Variants in CFAP70 observed in about 807,000 individuals in gnomAD.
CFAP70 encodes the protein cilia- and flagella-associated protein 70.
A neutral mutation model predicts 137.6 loss-of-function variants in CFAP70; 81 were observed. The observed-to-expected ratio is 0.59, with a 90% CI of 0.49 to 0.71. The LOEUF is 0.71. CFAP70 is among the 30% of genes least tolerant of loss of function. The probability of loss-of-function intolerance (pLI) is 0.00; values close to 1 mark genes in which losing one functional copy is unlikely to be tolerated. For synonymous variants in CFAP70, 382 were observed against 423.6 expected, an observed-to-expected ratio of 0.90 and a Z score of 1.20; for missense variants, 976 against 1,226.7, an observed-to-expected ratio of 0.80 and a Z score of 3.05.
intron 8 of CFAP70, among the ~76,000 whole-genome samples, chr10:73,326,423 A>C (rs1216299049): frequency 4.1e-5 from 6 of 144,844 alleles, no homozygotes; most frequent in Non-Finnish European, 9.0e-5. Flanking sequence ...CACAATTAAA[A>C]GAACTAGAAA....
intron 3 of CFAP70, among the ~76,000 whole-genome samples, chr10:73,351,001 ATGTG>A (rs1204970181): frequency 1.7e-4 from 22 of 131,370 alleles, no homozygotes; most frequent in Admixed American, 7.7e-5. Context: ...ATGTGTGTAT[ATGTG>A]TGTATGTGTG....
chr10:73,254,184 T>C, intron 26 of CFAP70, 129 bp from the exon 28 acceptor site: 2 of 587,546 alleles, frequency 3.4e-6, no homozygotes, highest in Non-Finnish European at 5.5e-6. Flanking sequence ...TGGCTCTTCC[T>C]ATTTCCCTAC....
At chr10:73,313,139 G>A (rs1453117433) in intron 9 of CFAP70, among the ~76,000 whole-genome samples, 4 of 152,058 alleles carry the variant, frequency 2.6e-5, no homozygotes, top group Admixed American at 6.5e-5. Context: ...TTGGGAGGCC[G>A]AGGCATGTGG....
chr10:73,256,276 CATT>C (rs1723517902), intron 26 of CFAP70, 90 bp downstream of exon 27: 1 of 1,415,812 alleles, frequency 7.1e-7, no homozygotes, highest in African/African-American at 1.4e-5. Flanking sequence ...AAAATATTCA[CATT>C]ATGAAAGTCC....
intron 19 of CFAP70, among the ~76,000 whole-genome samples, chr10:73,285,635 C>CTT (rs769793433): frequency 0.072 from 9,915 of 136,840 alleles, 606 homozygotes; most frequent in East Asian, 0.29. Context: ...ACTATATTTT[C>CTT]TTTTTTTTTT....
chr10:73,324,748 G>A (rs2051228464), intron 8 of CFAP70, among the ~76,000 whole-genome samples: 1 of 152,146 alleles, frequency 6.6e-6, no homozygotes, highest in South Asian at 2.1e-4. Context: ...GATGGAAGAT[G>A]AAATGAACAA....
exon 26 of CFAP70, chr10:73,256,404 A>G: frequency 6.2e-7 from 1 of 1,614,134 alleles, no homozygotes; most frequent in Non-Finnish European, 8.5e-7. Context: ...TCAGCTTCTA[A>G]TTGCCGTCCA....
At chr10:73,258,319 C>T (rs1300355101) in intron 25 of CFAP70, among the ~76,000 whole-genome samples, 2 of 152,136 alleles carry the variant, frequency 1.3e-5, no homozygotes, top group Admixed American at 6.6e-5. Context: ...ATTTCTTATG[C>T]CTGTCTTTAC....
At chr10:73,287,990 C>T (rs527488756) in intron 19 of CFAP70, among the ~76,000 whole-genome samples, 1 of 152,144 alleles carries the variant, frequency 6.6e-6, no homozygotes, top group African/African-American at 2.4e-5. Context: ...CTCTGCCTCC[C>T]AGGTTCAAGT....
At chr10:73,289,957 A>G (rs1265737885) in intron 19 of CFAP70, among the ~76,000 whole-genome samples, 1 of 148,524 alleles carries the variant, frequency 6.7e-6, no homozygotes, top group Non-Finnish European at 1.5e-5. Context: ...AGGCAGGAGG[A>G]TTGCTTGAAC....
At chr10:73,354,983 C>T (rs755222717) in intron 1 of CFAP70, 148 bp from the exon 2 acceptor site, 8 of 597,998 alleles carry the variant, frequency 1.3e-5, no homozygotes, top group East Asian at 5.6e-5. Context: ...TGCTGTTGGA[C>T]AGGCAGTGCT....
chr10:73,272,902 C>A, intron 24 of CFAP70, 26 bp downstream of exon 25: 1 of 1,545,744 alleles, frequency 6.5e-7, no homozygotes, highest in Non-Finnish European at 8.8e-7. Flanking sequence ...ATCCACAGCC[C>A]TAGTCTCAAG....
chr10:73,282,254 T>C (rs2047312788), intron 19 of CFAP70, among the ~76,000 whole-genome samples: 1 of 152,064 alleles, frequency 6.6e-6, no homozygotes, highest in Admixed American at 6.5e-5. Context: ...AGGGCCAGCT[T>C]ACCCTGAAAA....
chr10:73,284,611 C>G (rs1332547219), intron 19 of CFAP70, among the ~76,000 whole-genome samples: 1 of 147,608 alleles, frequency 6.8e-6, no homozygotes, highest in African/African-American at 2.5e-5. Flanking sequence ...ATTATGCGAA[C>G]ATTTTTTAGT....
chr10:73,345,177 C>T (rs752609564), intron 4 of CFAP70: 1 of 1,613,956 alleles, frequency 6.2e-7, no homozygotes, highest in East Asian at 2.2e-5. Flanking sequence ...CAGTAGATTG[C>T]CCCCTGAGAT....
At chr10:73,325,869 C>T (rs1393812752) in intron 8 of CFAP70, among the ~76,000 whole-genome samples, 1 of 152,132 alleles carries the variant, frequency 6.6e-6, no homozygotes, top group Non-Finnish European at 1.5e-5. Flanking sequence ...GAGACTTAGA[C>T]TCCCACACAA....
intron 6 of CFAP70, among the ~76,000 whole-genome samples, chr10:73,339,791 G>A (rs111707956): frequency 2.7e-5 from 4 of 150,882 alleles, no homozygotes; most frequent in African/African-American, 9.9e-5. Flanking sequence ...CAGAAGCTTG[G>A]AGACACCAGA....
intron 25 of CFAP70, among the ~76,000 whole-genome samples, chr10:73,260,588 TAGA>T (rs1564742373): frequency 2.6e-5 from 4 of 152,238 alleles, no homozygotes; most frequent in African/African-American, 9.6e-5. Context: ...AATCCAGTGT[TAGA>T]AGACTCCTGT....
chr10:73,353,482 T>C, intron 3 of CFAP70, 74 bp downstream of exon 3: 2 of 1,311,738 alleles, frequency 1.5e-6, no homozygotes, highest in Non-Finnish European at 2.1e-6. Context: ...AATGTTTTGG[T>C]TGTGCTTTTC....
Sources: gnomAD v4.1 joint callset for allele counts (sites outside exome capture counted in the v4.1 genomes callset) on GRCh38, gnomAD v4.1.1 for gene constraint, MANE v1.5 for transcripts, NCBI Gene and HGNC (gene_info 2026-07-23, HGNC 2026-07-21) for gene names.